The following ME1 variants were observed in gnomAD, a reference collection of about 807,000 sequenced individuals.
ME1 encodes malic enzyme 1.
Under a neutral mutation model 66.4 loss-of-function variants are expected in ME1, and 74 were observed. That is an observed-to-expected ratio of 1.11 (90% confidence interval 0.92 to 1.35). ME1 has a LOEUF of 1.35. Among genes scored for constraint, ME1 ranks in the 40% most tolerant of loss-of-function variants. ME1 has a pLI of 0.00. For missense variants in ME1, 750 were observed against 694.1 expected (o/e 1.08, Z -0.90); for synonymous variants, 251 against 235.6 (o/e 1.07, Z -0.60).
intron 7 of ME1, among the ~76,000 whole-genome samples, chr6:83,243,635 ACATTATATCGATATAATC>A (rs1354509939): frequency 2.9e-5 from 3 of 104,432 alleles, no homozygotes; most frequent in Admixed American, 2.4e-4. Flanking sequence ...TATTATAATT[ACATTATATCGATATAATC>A]TATTATAATT....
At chr6:83,285,547 T>A (rs555468471) in intron 6 of ME1, among the ~76,000 whole-genome samples, 1 of 152,270 alleles carries the variant, frequency 6.6e-6, no homozygotes, top group South Asian at 2.1e-4. Context: ...AAAGCCACTG[T>A]AAGATATGCA....
chr6:83,226,606 T>G (rs1010416948), intron 11 of ME1, among the ~76,000 whole-genome samples: 4 of 152,072 alleles, frequency 2.6e-5, no homozygotes, highest in Non-Finnish European at 4.4e-5. Flanking sequence ...TATTGAGCAT[T>G]TAAGGATATA....
chr6:83,427,690 T>C (rs1298733932), intron 1 of ME1, among the ~76,000 whole-genome samples: 2 of 152,094 alleles, frequency 1.3e-5, no homozygotes, highest in Non-Finnish European at 2.9e-5. Context: ...ACTCCTGCCC[T>C]ATGACAATCA....
chr6:83,294,957 T>C (rs1456170438), intron 6 of ME1, among the ~76,000 whole-genome samples: 1 of 152,178 alleles, frequency 6.6e-6, no homozygotes, highest in Non-Finnish European at 1.5e-5. Context: ...AACCGTGGTG[T>C]GCAGCCCCGG....
At chr6:83,268,743 A>ATTATTATTAT (rs1767032923) in intron 6 of ME1, among the ~76,000 whole-genome samples, 2 of 149,200 alleles carry the variant, frequency 1.3e-5, no homozygotes, top group African/African-American at 4.9e-5. Context: ...TATTATTATT[A>ATTATTATTAT]TTATTATTAT....
Position 83,327,458 on chromosome 6 carries a change from G to GC in ME1, c.601-12046dup, listed in dbSNP as rs1233084672. ...CACCTAGGGGTAGGTCTCTGAACTG[G>GC]CCCCCCCGGGGCACACCTGTCTCTT... On this transcript the variant is annotated intron_variant, in intron 5 of 13. Coordinates refer to ENST00000369705, the MANE Select transcript of ME1 (RefSeq NM_002395.6). Among the ~76,000 whole-genome samples the GC allele has an allele frequency of 6.6e-5, 10 of 152,084 alleles. No homozygotes were observed. The South Asian group carries it at 8.3e-4, about 13-fold the overall frequency.
chr6:83,347,951 C>A (rs1209299714), intron 4 of ME1, among the ~76,000 whole-genome samples: 2 of 152,174 alleles, frequency 1.3e-5, no homozygotes, highest in African/African-American at 4.8e-5. Flanking sequence ...TAGTACAGTG[C>A]TCTTTTCACC....
chr6:83,313,032 A>C (rs539409480), intron 6 of ME1, among the ~76,000 whole-genome samples: 133 of 152,178 alleles, frequency 8.7e-4, no homozygotes, highest in African/African-American at 3.1e-3. Flanking sequence ...GCTGGGATTA[A>C]AGGTGTGAGC....
Position 83,410,872 on chromosome 6 carries a change from C to T in ME1, c.79-2971G>A, listed in dbSNP as rs151172079. 5.9e-5 allele frequency among the ~76,000 whole-genome samples: 9 copies of T among 152,270 alleles called. 1 individual carries two copies. Among genetic ancestry groups the T allele is most frequent in the African/African-American group, 2.2e-4 (9 of 41,580 alleles). ...ACTGATTCCTAAATCTAACGATTCTCCATATCTTATGCCATGTAAATGATA... is the reference window on the plus strand; with the variant it reads ...ACTGATTCCTAAATCTAACGATTCTTCATATCTTATGCCATGTAAATGATA... On this transcript the variant is annotated intron_variant, in intron 1 of 13. Coordinates refer to ENST00000369705, the MANE Select transcript of ME1 (RefSeq NM_002395.6).
At chr6:83,328,590 T>C (rs1271656694) in intron 5 of ME1, among the ~76,000 whole-genome samples, 1 of 152,134 alleles carries the variant, frequency 6.6e-6, no homozygotes, top group African/African-American at 2.4e-5. Context: ...ACAAAAAAAT[T>C]AGTATCTACA....
chr6:83,327,313 C>T (rs1768314285), intron 5 of ME1, among the ~76,000 whole-genome samples: 1 of 152,208 alleles, frequency 6.6e-6, no homozygotes, highest in Admixed American at 6.5e-5. Flanking sequence ...TAACCTTAAA[C>T]TCTGACCATT....
intron 5 of ME1, among the ~76,000 whole-genome samples, chr6:83,324,361 G>A (rs2128540941): frequency 6.6e-6 from 1 of 151,602 alleles, no homozygotes; most frequent in Middle Eastern, 3.4e-3. Flanking sequence ...AGGAGATAAA[G>A]ACATGAAAAA....
intron 6 of ME1, among the ~76,000 whole-genome samples, chr6:83,311,906 CA>C (rs1462530054): frequency 6.6e-6 from 1 of 152,020 alleles, no homozygotes; most frequent in African/African-American, 2.4e-5. Context: ...GGAGAGCTAA[CA>C]AAGCTACTAC....
intron 5 of ME1, among the ~76,000 whole-genome samples, chr6:83,316,115 T>C (rs529372482): frequency 8.8e-4 from 134 of 152,292 alleles, no homozygotes; most frequent in African/African-American, 3.1e-3. Context: ...ATTCCTTTCT[T>C]AATTTTCCAC....
intron 3 of ME1, among the ~76,000 whole-genome samples, chr6:83,357,149 G>A (rs1383124450): frequency 6.6e-6 from 1 of 152,192 alleles, no homozygotes; most frequent in East Asian, 1.9e-4. Context: ...TATTACAGAA[G>A]TGATGCTGGC....
intron 6 of ME1, among the ~76,000 whole-genome samples, chr6:83,283,004 G>A (rs1226208012): frequency 4.0e-5 from 6 of 151,436 alleles, no homozygotes; most frequent in African/African-American, 1.2e-4. Context: ...CGAGGTGGGC[G>A]GATCACGAGG....
chr6:83,224,059 A>G (rs774908265), intron 11 of ME1, 126 bp from the exon 12 acceptor site: 1 of 831,914 alleles, frequency 1.2e-6, no homozygotes, highest in African/African-American at 1.7e-5. Context: ...TTTTTTATTA[A>G]CTTGCTAATA....
chr6:83,349,624 C>T (rs2128544292), intron 4 of ME1, among the ~76,000 whole-genome samples: 1 of 152,296 alleles, frequency 6.6e-6, no homozygotes, highest in Non-Finnish European at 1.5e-5. Flanking sequence ...TACCTAAATG[C>T]AGAACCTTTG....
At position 83,358,280 on chromosome 6, in the gene ME1, C is replaced by T. The variant is rs143715620; in HGVS notation, c.363-6141G>A. On this transcript the variant is annotated intron_variant, in intron 3 of 13. Coordinates refer to ENST00000369705, the MANE Select transcript of ME1 (RefSeq NM_002395.6). ...CTCCCGATTCATCACTCATGAGAGG[C>T]AAGGAGTTTAGTGACTCTATACCTA... 8.9e-3 allele frequency among the ~76,000 whole-genome samples: 1,347 copies of T among 152,058 alleles called. 19 individuals are homozygous for T. The highest frequency in any genetic ancestry group is 0.03 in the African/African-American group (1,261 of 41,458).
Sources: allele counts gnomAD v4.1 joint callset (sites outside exome capture counted in the v4.1 genomes callset), GRCh38; gene constraint gnomAD v4.1.1; transcripts MANE v1.5; gene names NCBI Gene and HGNC (gene_info 2026-07-23, HGNC 2026-07-21).